Variants in ECH1 observed in about 807,000 individuals in gnomAD.
ECH1 encodes delta(3,5)-Delta(2,4)-dienoyl-CoA isomerase, mitochondrial.
In ECH1, 30 loss-of-function variants were observed where a neutral mutation model predicts 37.0. The ratio of observed to expected loss-of-function variants is 0.81; its 90% CI spans 0.61 to 1.10. ECH1 has a LOEUF of 1.10. Ranked by LOEUF, ECH1 falls within the 50% of genes least tolerant of loss-of-function variation. The pLI, the probability that ECH1 is intolerant of heterozygous loss-of-function variation, is 0.00. For synonymous variants in ECH1, 178 were observed against 176.0 expected (o/e 1.01, Z -0.09); for missense variants, 456 against 441.6 (o/e 1.03, Z -0.29).
intron 3 of ECH1, among the ~76,000 whole-genome samples, chr19:38,818,927 G>GTGTGTGTT (rs1555721651): frequency 1.4e-4 from 19 of 137,636 alleles, no homozygotes; most frequent in Admixed American, 9.6e-4. Flanking sequence ...GTGTGTGTGT[G>GTGTGTGTT]TGTGTGCACT....
At position 38,831,074 on chromosome 19, in the gene ECH1, G is replaced by C. The variant is rs2145392035; in HGVS notation, c.349+4C>G. 6.2e-7 allele frequency: 1 copy of C among 1,613,810 alleles called. No individual in the cohort carries two copies. The highest frequency in any genetic ancestry group is 2.2e-5 in the East Asian group (1 of 44,880). On this transcript the variant is annotated splice_donor_region_variant and intron_variant, in intron 3 of 9. Coordinates refer to ENST00000221418, the MANE Select transcript of ECH1 (RefSeq NM_001398.3). ...TGGCAGGGTGTGTGAAGAGCGTCTG[G>C]TACCTGCAGTGAACATTTTTCCTGC... is the stretch of plus-strand genomic sequence containing the variant.
rs571732821 is a variant in ECH1 at position 38,819,579 on chromosome 19, C to T, written c.350-2004G>A. On this transcript the variant is annotated intron_variant, in intron 3 of 9. Coordinates refer to ENST00000221418, the MANE Select transcript of ECH1 (RefSeq NM_001398.3). ...GGCCTAGCACAGGGCCTGGCGCACA[C>T]GAGCTGCTCAATAAATGATCAATAC... Among the ~76,000 whole-genome samples the T allele has an allele frequency of 1.3e-3, 203 of 152,190 alleles. 1 individual carries two copies. Among genetic ancestry groups the T allele is most frequent in the African/African-American group, 4.5e-3 (186 of 41,544 alleles).
intron 3 of ECH1, among the ~76,000 whole-genome samples, chr19:38,822,420 T>A (rs910092453): frequency 2.0e-5 from 3 of 150,874 alleles, no homozygotes; most frequent in Non-Finnish European, 4.4e-5. Context: ...GGTTTGTAAA[T>A]GCACCAATCA....
In ECH1 at chr19:38,816,523, C is replaced by G; in HGVS notation, c.589G>C (p.Glu197Gln). 6.2e-7 allele frequency: 1 copy of G among 1,614,150 alleles called. No homozygotes were observed. Among genetic ancestry groups the G allele is most frequent in the Non-Finnish European group, 8.5e-7 (1 of 1,180,010 alleles). ...TCGGCAGCCAAACCCACGTCCACCT[C>G]CTGGGGGAGGAATCGGGTCAGTGTT... ...CAQDAFFQVKEVDVGLAADVG... is the reference protein window; with the variant it reads ...CAQDAFFQVKQVDVGLAADVG... The change falls in exon 7 of 10, where the codon GAG (glutamate) becomes CAG (glutamine). Residue 197 changes from glutamate (E) to glutamine (Q), a missense_variant and splice_region_variant. Transcript: ENST00000221418.
At chr19:38,825,472 G>T (rs1971725707) in intron 3 of ECH1, among the ~76,000 whole-genome samples, 1 of 152,206 alleles carries the variant, frequency 6.6e-6, no homozygotes, top group Non-Finnish European at 1.5e-5. Flanking sequence ...GATTCTAAAA[G>T]ATAAGTTTAT....
At chr19:38,823,318 A>C (rs1189527458) in intron 3 of ECH1, 1 of 163,212 alleles carries the variant, frequency 6.1e-6, no homozygotes, top group Non-Finnish European at 1.3e-5. Flanking sequence ...TTGGTGACCC[A>C]GATGGGACTA....
chr19:38,817,905 A>G (rs1971603452), intron 3 of ECH1: 1 of 261,266 alleles, frequency 3.8e-6, no homozygotes, highest in Non-Finnish European at 6.0e-6. Flanking sequence ...AGTAGTGAGT[A>G]ATGAACTATT....
chr19:38,818,325 G>A, intron 3 of ECH1: 1 of 985,222 alleles, frequency 1.0e-6, no homozygotes, highest in Non-Finnish European at 1.2e-6. Context: ...AATTTCTGTG[G>A]CTCCAACTTC....
At position 38,817,441 on chromosome 19, in the gene ECH1, C is replaced by T; in HGVS notation, c.474+10G>A. On this transcript the variant is annotated intron_variant, in intron 4 of 9. Transcript: ENST00000221418. ...ATGGAGAAAGATCCCCTCCAGACCC[C>T]TAGAGTCACCCTCTCGATGACGTTG... The T allele has an allele frequency of 1.2e-6, 2 of 1,613,088 alleles. No homozygotes were observed. The highest frequency in any genetic ancestry group is 1.7e-6 in the Non-Finnish European group (2 of 1,179,644).
chr19:38,819,672 G>A lies in ECH1; in HGVS notation c.350-2097C>T, dbSNP rs566099018. ...AAAAAAGTATATTTTGGGGCTGGGCGTAGTGGCTCACACCTGCAATCCCAG... is the reference window on the plus strand; with the variant it reads ...AAAAAAGTATATTTTGGGGCTGGGCATAGTGGCTCACACCTGCAATCCCAG... On this transcript the variant is annotated intron_variant, in intron 3 of 9. Transcript: ENST00000221418. 1.7e-4 allele frequency among the ~76,000 whole-genome samples: 26 copies of A among 152,180 alleles called. No individual in the cohort carries two copies. In the South Asian group the frequency reaches 5.0e-3, roughly 29 times the overall value.
intron 8 of ECH1, 55 bp downstream of exon 8, chr19:38,816,229 C>T: frequency 2.5e-6 from 4 of 1,599,306 alleles, no homozygotes; most frequent in Non-Finnish European, 2.6e-6. Flanking sequence ...GAGAGGCCTC[C>T]AACCCTCCAG....
At position 38,816,289 on chromosome 19, in the gene ECH1, C is replaced by A. The variant is rs1304753490; in HGVS notation, c.726G>T (p.Leu242=). The A allele has an allele frequency of 1.2e-6, 2 of 1,613,194 alleles. No homozygotes were observed. ...MMADEALGSG[L]VSRVFPDKEV... ...TACCACGGCCATGGCCCTACCTGACCAGCCCACTGCCCAGGGCCTCGTCAG... is the reference window on the plus strand; with the variant it reads ...TACCACGGCCATGGCCCTACCTGACAAGCCCACTGCCCAGGGCCTCGTCAG... The change falls in exon 8 of 10, where the codon CTG becomes CTT. Residue 242 remains leucine, a synonymous_variant. Coordinates refer to ENST00000221418, the MANE Select transcript of ECH1 (RefSeq NM_001398.3).
chr19:38,831,274 C>T, intron 2 of ECH1, 35 bp downstream of exon 2: 1 of 1,606,550 alleles, frequency 6.2e-7, no homozygotes, highest in Non-Finnish European at 8.5e-7. Context: ...CCCGCCTCCC[C>T]CCGCAGGCAG....
chr19:38,823,330 TACC>T (rs1461047427), intron 3 of ECH1: 1 of 156,392 alleles, frequency 6.4e-6, no homozygotes, highest in Non-Finnish European at 1.4e-5. Flanking sequence ...ATGGGACTAT[TACC>T]TATCGCCAAG....
chr19:38,826,451 G>C (rs946437042), intron 3 of ECH1, among the ~76,000 whole-genome samples: 2 of 152,200 alleles, frequency 1.3e-5, no homozygotes, highest in Non-Finnish European at 2.9e-5. Context: ...GGCTTAGTAA[G>C]GAAATGCAGC....
intron 8 of ECH1, 58 bp downstream of exon 8, chr19:38,816,226 C>A: frequency 1.3e-6 from 2 of 1,598,360 alleles, no homozygotes; most frequent in South Asian, 2.2e-5. Flanking sequence ...CCGGAGAGGC[C>A]TCCAACCCTC....
chr19:38,827,327 T>G (rs1022954183), intron 3 of ECH1, among the ~76,000 whole-genome samples: 4 of 152,128 alleles, frequency 2.6e-5, no homozygotes, highest in Non-Finnish European at 5.9e-5. Context: ...ATATTTTGCT[T>G]CTGGTTCAGT....
chr19:38,828,345 C>A (rs1296879550), intron 3 of ECH1, among the ~76,000 whole-genome samples: 1 of 151,964 alleles, frequency 6.6e-6, no homozygotes, highest in Non-Finnish European at 1.5e-5. Flanking sequence ...GATTCTCCTG[C>A]CTCAGGCTCT....
intron 3 of ECH1, among the ~76,000 whole-genome samples, chr19:38,821,762 C>T (rs1423559229): frequency 6.6e-6 from 1 of 152,202 alleles, no homozygotes; most frequent in Non-Finnish European, 1.5e-5. Context: ...TGCAGCCTGC[C>T]ATGCCCGAGC....
Sources: allele counts gnomAD v4.1 joint callset (sites outside exome capture counted in the v4.1 genomes callset), GRCh38; gene constraint gnomAD v4.1.1; transcripts MANE v1.5; gene names NCBI Gene and HGNC (gene_info 2026-07-23, HGNC 2026-07-21).